RAPGEF4: variants seen among roughly 807,000 people sequenced by gnomAD.
RAPGEF4 encodes Rap guanine nucleotide exchange factor 4.
Under a neutral mutation model 147.9 loss-of-function variants are expected in RAPGEF4, and 66 were observed. The observed-to-expected ratio is 0.45, with a 90% CI of 0.37 to 0.55. The LOEUF is 0.55. RAPGEF4 is among the 20% of genes least tolerant of loss of function. RAPGEF4 has a pLI of 0.00. For synonymous variants in RAPGEF4, 419 were observed against 442.7 expected (o/e 0.95, Z 0.67); for missense variants, 1,071 against 1,257.3 (o/e 0.85, Z 2.24).
At chr2:172,889,928 G>C in intron 4 of RAPGEF4, 1 of 618,764 alleles carries the variant, frequency 1.6e-6, no homozygotes, top group South Asian at 7.1e-5. Context: ...CAGCGTCTGG[G>C]AATGTTTCGT....
intron 4 of RAPGEF4, among the ~76,000 whole-genome samples, chr2:172,866,157 C>T (rs1694618604): frequency 6.6e-6 from 1 of 152,098 alleles, no homozygotes; most frequent in Non-Finnish European, 1.5e-5. Flanking sequence ...TCCCCTTGCA[C>T]CCCTTTATCT....
intron 4 of RAPGEF4, among the ~76,000 whole-genome samples, chr2:172,826,661 A>T (rs559247144): frequency 6.6e-6 from 1 of 152,316 alleles, no homozygotes; most frequent in South Asian, 2.1e-4. Flanking sequence ...CTTGAAAGGC[A>T]TTCACTTATT....
chr2:172,779,537 A>G (rs1427668218), intron 1 of RAPGEF4, among the ~76,000 whole-genome samples: 2 of 152,096 alleles, frequency 1.3e-5, no homozygotes, highest in Non-Finnish European at 2.9e-5. Flanking sequence ...ATAGTAGGAG[A>G]CGAGGTTCCA....
chr2:172,926,708 ACTACAGGCGCGTG>A (rs904880819), intron 6 of RAPGEF4, among the ~76,000 whole-genome samples: 2 of 152,018 alleles, frequency 1.3e-5, no homozygotes, highest in Non-Finnish European at 2.9e-5. Flanking sequence ...AGTAGCTGGG[ACTACAGGCGCGTG>A]CCACCATACC....
At chr2:172,912,889 C>T (rs1221839589) in intron 4 of RAPGEF4, among the ~76,000 whole-genome samples, 1 of 124,414 alleles carries the variant, frequency 8.0e-6, no homozygotes, top group Non-Finnish European at 1.6e-5. Flanking sequence ...ATGCCTCCCT[C>T]ACTCTTTTTT....
At chr2:172,995,303 A>G (rs888682441) in intron 15 of RAPGEF4, among the ~76,000 whole-genome samples, 1 of 148,640 alleles carries the variant, frequency 6.7e-6, no homozygotes, top group Non-Finnish European at 1.5e-5. Flanking sequence ...GTATTTTGAG[A>G]TGGAGTCTTG....
chr2:172,967,320 C>T lies in RAPGEF4; in HGVS notation c.880C>T (p.His294Tyr), dbSNP rs755255424. The T allele has an allele frequency of 6.2e-7, 1 of 1,612,250 alleles. No homozygotes were observed. Reference sequence around the variant, plus strand: ...ATTCTATCGATTTCTGGATGATGAGCACGAGGATGCCCCTTTGCCTACTGA... The same window carrying T: ...ATTCTATCGATTTCTGGATGATGAGTACGAGGATGCCCCTTTGCCTACTGA... ...YLFYRFLDDEHEDAPLPTEEE... is the reference protein window; with the variant it reads ...YLFYRFLDDEYEDAPLPTEEE... Residue 294 changes from histidine (H) to tyrosine (Y), a missense_variant, in exon 10 of 31, where the codon CAC becomes TAC. Transcript: ENST00000397081.
intron 4 of RAPGEF4, among the ~76,000 whole-genome samples, chr2:172,866,782 C>T (rs1424880118): frequency 6.6e-6 from 1 of 152,072 alleles, no homozygotes; most frequent in Non-Finnish European, 1.5e-5. Flanking sequence ...TCTATCACTA[C>T]CACCACCAAT....
intron 1 of RAPGEF4, among the ~76,000 whole-genome samples, chr2:172,774,462 T>C (rs1348595209): frequency 2.0e-5 from 3 of 152,238 alleles, no homozygotes; most frequent in Admixed American, 2.0e-4. Context: ...TGTCATTTCC[T>C]ACCCCCATGC....
chr2:172,925,757 GAGAA>G (rs1685227211), intron 6 of RAPGEF4, among the ~76,000 whole-genome samples: 1 of 124,594 alleles, frequency 8.0e-6, no homozygotes, highest in Non-Finnish European at 1.7e-5. Flanking sequence ...GAGAGAAAGA[GAGAA>G]AGGAAGAAAG....
chr2:173,009,540 T>C (rs929534219), intron 17 of RAPGEF4, among the ~76,000 whole-genome samples: 2 of 152,112 alleles, frequency 1.3e-5, no homozygotes, highest in African/African-American at 4.8e-5. Flanking sequence ...AAATTCGAAG[T>C]TTTTTTAGCT....
chr2:172,989,854 G>A (rs1189007827), intron 14 of RAPGEF4, among the ~76,000 whole-genome samples: 1 of 152,064 alleles, frequency 6.6e-6, no homozygotes, highest in Non-Finnish European at 1.5e-5. Flanking sequence ...CCTAAATGTA[G>A]CTTTTGTGCT....
At chr2:172,924,272 C>A (rs1248457732) in intron 6 of RAPGEF4, among the ~76,000 whole-genome samples, 2 of 152,182 alleles carry the variant, frequency 1.3e-5, no homozygotes, top group African/African-American at 2.4e-5. Context: ...TAGGTGGGAT[C>A]CCCCTGCAGT....
At chr2:173,044,612 C>T (rs538100349) in intron 29 of RAPGEF4, among the ~76,000 whole-genome samples, 5 of 152,280 alleles carry the variant, frequency 3.3e-5, no homozygotes, top group East Asian at 1.9e-4. Context: ...CCCTGTAGGC[C>T]ACGAACTGTA....
intron 6 of RAPGEF4, among the ~76,000 whole-genome samples, chr2:172,924,260 T>G (rs1685049558): frequency 1.3e-5 from 2 of 152,156 alleles, no homozygotes; most frequent in Non-Finnish European, 2.9e-5. Flanking sequence ...CCCAGTGACC[T>G]TTAGGTGGGA....
At chr2:173,014,644 TAC>T (rs1559185809) in intron 18 of RAPGEF4, 30 bp downstream of exon 18, 1 of 1,603,578 alleles carries the variant, frequency 6.2e-7, no homozygotes, top group Non-Finnish European at 8.5e-7. Context: ...TCCAAGAATA[TAC>T]TGTTGTCCTG....
intron 6 of RAPGEF4, among the ~76,000 whole-genome samples, chr2:172,946,759 T>C (rs1047308618): frequency 3.9e-5 from 6 of 152,200 alleles, no homozygotes; most frequent in African/African-American, 7.2e-5. Flanking sequence ...CTTGTGTATA[T>C]GTAAAACGGT....
At chr2:172,808,751 TG>T (rs1687737133) in intron 3 of RAPGEF4, among the ~76,000 whole-genome samples, 1 of 152,198 alleles carries the variant, frequency 6.6e-6, no homozygotes, top group South Asian at 2.1e-4. Flanking sequence ...GGGAGCATTT[TG>T]CCCAAAGCCC....
At chr2:172,796,715 C>T (rs991868023) in intron 2 of RAPGEF4, among the ~76,000 whole-genome samples, 12 of 152,166 alleles carry the variant, frequency 7.9e-5, no homozygotes, top group African/African-American at 2.4e-4. Flanking sequence ...GCTTGCTCTT[C>T]TCCAATAAGC....
Sources: allele counts gnomAD v4.1 joint callset (sites outside exome capture counted in the v4.1 genomes callset), GRCh38; gene constraint gnomAD v4.1.1; transcripts MANE v1.5; gene names NCBI Gene and HGNC (gene_info 2026-07-23, HGNC 2026-07-21).